The following SPRY3 variants were observed in gnomAD, a reference collection of about 807,000 sequenced individuals.
SPRY3 encodes sprouty RTK signaling antagonist 3.
In SPRY3, 15 loss-of-function variants were observed where a neutral mutation model predicts 20.2. The observed-to-expected ratio is 0.74, with a 90% CI of 0.50 to 1.14. SPRY3 has a LOEUF of 1.14. Among genes scored for constraint, SPRY3 ranks in the 50% most tolerant of loss-of-function variants. The probability of loss-of-function intolerance (pLI) is 0.00; values close to 1 mark genes in which losing one functional copy is unlikely to be tolerated. For missense variants in SPRY3, 364 were observed against 363.9 expected, an observed-to-expected ratio of 1.00 and a Z score of 0.00; for synonymous variants, 143 against 136.5, an observed-to-expected ratio of 1.05 and a Z score of -0.33.
intron 2 of SPRY3, among the ~76,000 whole-genome samples, chrX:155,703,550 T>C (rs1259107518): frequency 9.4e-6 from 1 of 106,368 alleles, no homozygotes; most frequent in Non-Finnish European, 1.9e-5. Context: ...ATTTTGTTGA[T>C]CCTTTCAAAA....
intron 2 of SPRY3, among the ~76,000 whole-genome samples, chrX:155,719,134 T>C (rs2091040326): frequency 6.6e-6 from 1 of 152,146 alleles, no homozygotes; most frequent in Non-Finnish European, 1.5e-5. Context: ...TGCAGCATGC[T>C]GCAGAGAGCA....
downstream of SPRY3, chrX:155,777,187 G>T (rs369292441): frequency 3.0e-5 from 5 of 167,104 alleles, no homozygotes; most frequent in African/African-American, 1.2e-4. Flanking sequence ...ACACTTCTCT[G>T]CTTCTGCCTG....
At chrX:155,731,211 T>G (rs2124563977) in intron 2 of SPRY3, among the ~76,000 whole-genome samples, 1 of 152,236 alleles carries the variant, frequency 6.6e-6, no homozygotes, top group Admixed American at 6.5e-5. Flanking sequence ...AAAGCTATCC[T>G]GAGCCAAAAG....
chrX:155,668,623 A>G (rs1030528670), intron 2 of SPRY3, among the ~76,000 whole-genome samples: 2 of 110,816 alleles, frequency 1.8e-5, no homozygotes, highest in Admixed American at 9.6e-5. Flanking sequence ...CTTATATTAC[A>G]TTTCTCCTAA....
chrX:155,779,867 C>T (rs2091453231), downstream of SPRY3: 1 of 166,930 alleles, frequency 6.0e-6, no homozygotes, highest in Admixed American at 6.6e-5. Flanking sequence ...AAAGCAAAAG[C>T]ATTAGTGCCC....
chrX:155,647,529 T>G (rs1410250136), intron 1 of SPRY3, among the ~76,000 whole-genome samples: 6 of 109,354 alleles, frequency 5.5e-5, no homozygotes, highest in African/African-American at 2.0e-4. Flanking sequence ...ATTGCTCAAC[T>G]CCCACTTATG....
chrX:155,746,230 T>C (rs933556512), intron 2 of SPRY3, among the ~76,000 whole-genome samples: 7 of 152,084 alleles, frequency 4.6e-5, no homozygotes, highest in African/African-American at 1.4e-4. Flanking sequence ...TAAATATTAA[T>C]AATCTTTTAC....
At chrX:155,621,597 G>GA (rs1277994509) in intron 1 of SPRY3, among the ~76,000 whole-genome samples, 1 of 111,571 alleles carries the variant, frequency 9.0e-6, no homozygotes, top group African/African-American at 3.3e-5. Context: ...ATGCCAACAG[G>GA]AAAAAATGTG....
At chrX:155,647,506 C>T (rs1557351972) in intron 1 of SPRY3, among the ~76,000 whole-genome samples, 1 of 109,769 alleles carries the variant, frequency 9.1e-6, no homozygotes. Context: ...CCACCCTGTG[C>T]CCATATGGTC....
At chrX:155,710,859 G>A in intron 2 of SPRY3, among the ~76,000 whole-genome samples, 1 of 150,942 alleles carries the variant, frequency 6.6e-6, no homozygotes, top group Non-Finnish European at 1.5e-5. Flanking sequence ...GTTTTTTTAG[G>A]GTTTTTCTTT....
chrX:155,686,216 T>C (rs2068087430), intron 2 of SPRY3, among the ~76,000 whole-genome samples: 1 of 111,948 alleles, frequency 8.9e-6, no homozygotes, highest in Non-Finnish European at 1.9e-5. Flanking sequence ...ATAATTTTCA[T>C]AATACTTTCT....
chrX:155,757,475 C>T (rs1464546127), intron 2 of SPRY3, among the ~76,000 whole-genome samples: 4 of 152,118 alleles, frequency 2.6e-5, no homozygotes, highest in African/African-American at 4.8e-5. Context: ...AGGAAGATAA[C>T]GAGTACAGCT....
intron 2 of SPRY3, among the ~76,000 whole-genome samples, chrX:155,708,631 A>G (rs1014713006): frequency 6.6e-6 from 1 of 151,512 alleles, no homozygotes; most frequent in Non-Finnish European, 1.5e-5. Context: ...CATAGCAGGT[A>G]TATATATTTA....
At chrX:155,771,825 G>A (rs1201374543) in intron 3 of SPRY3, among the ~76,000 whole-genome samples, 2 of 152,126 alleles carry the variant, frequency 1.3e-5, no homozygotes, top group African/African-American at 4.8e-5. Context: ...GCTTTTGAAT[G>A]CCCCAATAAG....
chrX:155,725,357 CT>C (rs1189890570), intron 2 of SPRY3, among the ~76,000 whole-genome samples: 37 of 152,176 alleles, frequency 2.4e-4, no homozygotes, highest in Non-Finnish European at 4.4e-5. Flanking sequence ...AGGATTCCCT[CT>C]TTTTCTATTA....
chrX:155,690,246 T>A lies in SPRY3; in HGVS notation c.-282+33221T>A, dbSNP rs1226357951. ...GAGTGTTTTGTGTCCAATTATGTGG[T>A]CAATTTTAGAGCATTGCCATGTGGC... On this transcript the variant is annotated intron_variant, in intron 2 of 3. Transcript: ENST00000675360. Among the ~76,000 whole-genome samples, 2 of 89,409 alleles carry A rather than the reference T, an allele frequency of 2.2e-5. 1 individual carries two copies. Among genetic ancestry groups the A allele is most frequent in the Non-Finnish European group, 4.2e-5 (2 of 47,389 alleles). 77.6% of individuals were successfully genotyped at this position (89,409 alleles called of 115,157 possible).
intron 2 of SPRY3, among the ~76,000 whole-genome samples, chrX:155,681,766 G>A (rs1311667447): frequency 8.9e-6 from 1 of 112,467 alleles, no homozygotes; most frequent in Non-Finnish European, 1.9e-5. Flanking sequence ...CTAATCCAGA[G>A]CAAGAGCTTA....
intron 2 of SPRY3, among the ~76,000 whole-genome samples, chrX:155,700,328 A>G (rs2068132566): frequency 9.2e-6 from 1 of 109,237 alleles, no homozygotes; most frequent in Admixed American, 9.9e-5. Context: ...TGAAATCTTT[A>G]TAAGTTAGCA....
At chrX:155,765,541 A>G (rs1407944048) in intron 2 of SPRY3, among the ~76,000 whole-genome samples, 1 of 152,210 alleles carries the variant, frequency 6.6e-6, no homozygotes, top group Non-Finnish European at 1.5e-5. Flanking sequence ...AGCGCAGGAA[A>G]TCTAGCTGTT....
Sources: allele counts gnomAD v4.1 joint callset (sites outside exome capture counted in the v4.1 genomes callset), GRCh38; gene constraint gnomAD v4.1.1; transcripts MANE v1.5; gene names NCBI Gene and HGNC (gene_info 2026-07-23, HGNC 2026-07-21).